Variants in TAFA5 observed in about 807,000 individuals in gnomAD.
TAFA5 encodes chemokine-like protein TAFA-5.
In TAFA5, 6 loss-of-function variants were observed where a neutral mutation model predicts 15.3. The ratio of observed to expected loss-of-function variants is 0.39; its 90% CI spans 0.21 to 0.77. The LOEUF (loss-of-function observed/expected upper bound fraction) is 0.77. TAFA5 is among the 30% of genes least tolerant of loss of function. The probability of loss-of-function intolerance (pLI) is 0.41; values close to 1 mark genes in which losing one functional copy is unlikely to be tolerated. For synonymous variants in TAFA5, 103 were observed against 80.7 expected (o/e 1.28, Z -1.48); for missense variants, 161 against 193.1 (o/e 0.83, Z 0.98).
chr22:48,729,291 A>T (rs6010496), intron 3 of TAFA5, among the ~76,000 whole-genome samples: 629 of 35,572 alleles, frequency 0.018, 7 homozygotes, highest in African/African-American at 0.044. Context: ...ATATATAATA[A>T]TTTTATATTT....
At chr22:48,729,725 AATAT>A (rs1929815756) in intron 3 of TAFA5, among the ~76,000 whole-genome samples, 1 of 147,534 alleles carries the variant, frequency 6.8e-6, no homozygotes, top group Non-Finnish European at 1.5e-5. Context: ...TATAAATTTA[AATAT>A]AAAACATAAA....
intron 2 of TAFA5, among the ~76,000 whole-genome samples, chr22:48,687,333 G>C (rs1928395703): frequency 6.6e-6 from 1 of 151,488 alleles, no homozygotes; most frequent in South Asian, 2.1e-4. Context: ...GTGGACAGGT[G>C]GATGGATGGA....
At chr22:48,546,832 C>T (rs1189070753) in intron 1 of TAFA5, 1 of 311,096 alleles carries the variant, frequency 3.2e-6, no homozygotes, top group East Asian at 8.7e-5. Context: ...CCAGGAGGCT[C>T]CACCCTCTCG....
chr22:48,721,342 C>T (rs757840968), intron 3 of TAFA5, among the ~76,000 whole-genome samples: 7 of 152,198 alleles, frequency 4.6e-5, no homozygotes, highest in Non-Finnish European at 1.0e-4. Flanking sequence ...CCGCCCGCTG[C>T]GTGTGACCTC....
intron 1 of TAFA5, among the ~76,000 whole-genome samples, chr22:48,634,764 C>T (rs1490789092): frequency 2.6e-5 from 1 of 38,640 alleles, no homozygotes; most frequent in Non-Finnish European, 3.9e-5. Context: ...CACTCAGTCA[C>T]TCAGCCACTC....
At position 48,552,362 on chromosome 22, in the gene TAFA5, G is replaced by A. The variant is rs1375364066; in HGVS notation, c.112+62658G>A. Among the ~76,000 whole-genome samples the A allele has an allele frequency of 1.3e-5, 2 of 152,146 alleles. No homozygotes were observed. The highest frequency in any genetic ancestry group is 2.9e-5 in the Non-Finnish European group (2 of 68,006). On this transcript the variant is annotated intron_variant, in intron 1 of 3. Transcript: ENST00000402357. This position sits in a 1 kb window ranked among gnomAD's most constrained non-coding sequence, Gnocchi z 4.1. The stretch of plus-strand genomic sequence containing the variant: ...AAGTCTGATGGGCTGAAGCCCTCAG[G>A]AAACCTTCTCAGGGGGTCCCGTTTA...
intron 1 of TAFA5, among the ~76,000 whole-genome samples, chr22:48,623,253 C>T (rs1925907182): frequency 6.8e-6 from 1 of 147,790 alleles, no homozygotes; most frequent in Non-Finnish European, 1.5e-5. Context: ...GCCGCGTGGC[C>T]CTGCGCGGTG....
At chr22:48,523,948 C>T (rs1921692242) in intron 1 of TAFA5, among the ~76,000 whole-genome samples, 1 of 152,206 alleles carries the variant, frequency 6.6e-6, no homozygotes, top group South Asian at 2.1e-4. Flanking sequence ...CCACTGCACA[C>T]CCAGGTGAGG....
At chr22:48,631,129 A>G (rs1006893272) in intron 1 of TAFA5, among the ~76,000 whole-genome samples, 9 of 152,096 alleles carry the variant, frequency 5.9e-5, no homozygotes, top group African/African-American at 2.2e-4. Context: ...CGGCTCACCC[A>G]CTCGGGACGG....
rs771369233 is a variant in TAFA5 at position 48,550,789 on chromosome 22, C to T, written c.112+61085C>T. Among the ~76,000 whole-genome samples the T allele has an allele frequency of 2.6e-5, 4 of 152,136 alleles. No homozygotes were observed. The highest frequency in any genetic ancestry group is 7.2e-5 in the African/African-American group (3 of 41,436). ...GTGTCTGGGCTCCAGAAAGCTTTCT[C>T]TGACCTTCTTGTTCTCGGGAAAGAG... On this transcript the variant is annotated intron_variant, in intron 1 of 3. Transcript: ENST00000402357. This position sits in a 1 kb window ranked among gnomAD's most constrained non-coding sequence, Gnocchi z 4.1.
At chr22:48,509,714 G>A (rs774650771) in intron 1 of TAFA5, among the ~76,000 whole-genome samples, 2 of 152,184 alleles carry the variant, frequency 1.3e-5, no homozygotes, top group South Asian at 4.1e-4. Context: ...CACTTTGGGA[G>A]GCTGAGGCGG....
At chr22:48,538,292 G>A (rs1392820806) in intron 1 of TAFA5, among the ~76,000 whole-genome samples, 12 of 152,198 alleles carry the variant, frequency 7.9e-5, no homozygotes, top group Non-Finnish European at 1.5e-4. Context: ...GGACAGTCCT[G>A]GGCAAGGGGC....
At chr22:48,660,036 G>T (rs76743390) in intron 2 of TAFA5, among the ~76,000 whole-genome samples, 9,076 of 152,202 alleles carry the variant, frequency 0.06, 380 homozygotes, top group African/African-American at 0.11. Flanking sequence ...GACGGCTCTG[G>T]GCCATGTTTG....
At chr22:48,520,951 G>A (rs926095667) in intron 1 of TAFA5, among the ~76,000 whole-genome samples, 12 of 152,312 alleles carry the variant, frequency 7.9e-5, no homozygotes, top group Admixed American at 2.0e-4. Context: ...TGTCCCCACC[G>A]TAAGCAGCCA....
intron 1 of TAFA5, among the ~76,000 whole-genome samples, chr22:48,613,751 C>T (rs990016424): frequency 1.3e-5 from 2 of 152,206 alleles, no homozygotes; most frequent in African/African-American, 4.8e-5. Context: ...CCAGCCTGAA[C>T]CTGATGCAAG....
Position 48,652,854 on chromosome 22 carries a change from G to A in TAFA5, c.262+6108G>A, listed in dbSNP as rs140068524. ...TGGACATGTCGGCTTCCTTCTGGGG[G>A]CTCAGGGAGATCCCAGCATTTCTGG... On this transcript the variant is annotated intron_variant, in intron 2 of 3. Coordinates refer to ENST00000402357, the MANE Select transcript of TAFA5 (RefSeq NM_001082967.3). Among the ~76,000 whole-genome samples the A allele has an allele frequency of 1.9e-3, 296 of 152,278 alleles. 10 individuals are homozygous for A. In the East Asian group the frequency reaches 0.052, roughly 27 times the overall value.
Position 48,697,250 on chromosome 22 carries a change from G to GGAAT in TAFA5, c.263-10464_263-10461dup, listed in dbSNP as rs565041600. Among the ~76,000 whole-genome samples, 23 of 152,306 alleles carry GGAAT rather than the reference G, an allele frequency of 1.5e-4. No individual in the cohort carries two copies. The South Asian group carries it at 4.4e-3, about 29-fold the overall frequency. On this transcript the variant is annotated intron_variant, in intron 2 of 3. Coordinates refer to ENST00000402357, the MANE Select transcript of TAFA5 (RefSeq NM_001082967.3). Reference sequence around the variant, plus strand: ...AGAGCCTTCACCTAGAATTGCCATAGGAATGAGGGCAGCCATGTGTATGGC... The same window carrying GGAAT: ...AGAGCCTTCACCTAGAATTGCCATAGGAATGAATGAGGGCAGCCATGTGTATGGC...
At chr22:48,540,936 G>A (rs907746973) in intron 1 of TAFA5, among the ~76,000 whole-genome samples, 1 of 151,758 alleles carries the variant, frequency 6.6e-6, no homozygotes. Flanking sequence ...AGGTAACACA[G>A]GTCCTGGTAG....
intron 3 of TAFA5, among the ~76,000 whole-genome samples, chr22:48,738,440 G>A (rs1019502124): frequency 6.6e-6 from 1 of 152,054 alleles, no homozygotes; most frequent in Admixed American, 6.5e-5. Flanking sequence ...GGGCCTCTGG[G>A]CGCACAGCAA....
Sources: gnomAD v4.1 joint callset for allele counts (sites outside exome capture counted in the v4.1 genomes callset) on GRCh38, gnomAD v4.1.1 for gene constraint, Gnocchi (gnomAD v3.1) non-coding constraint, MANE v1.5 for transcripts, NCBI Gene and HGNC (gene_info 2026-07-23, HGNC 2026-07-21) for gene names.